The following GNAT3 variants were observed in gnomAD, a reference collection of about 807,000 sequenced individuals.
The protein encoded by GNAT3 is guanine nucleotide-binding protein G(t) subunit alpha-3.
GNAT3 carries 31 observed loss-of-function variants against 37.7 expected under a neutral mutation model. The ratio of observed to expected loss-of-function variants is 0.82; its 90% CI spans 0.62 to 1.11. The LOEUF (loss-of-function observed/expected upper bound fraction) is 1.11. Ranked by LOEUF, GNAT3 falls within the 50% of genes most tolerant of loss-of-function variation. The pLI is 0.00. For synonymous variants in GNAT3, 138 were observed against 139.8 expected, an observed-to-expected ratio of 0.99 and a Z score of 0.09; for missense variants, 437 against 412.5, an observed-to-expected ratio of 1.06 and a Z score of -0.51.
intron 2 of GNAT3, 124 bp downstream of exon 2, chr7:80,494,481 C>A: frequency 1.7e-6 from 1 of 579,196 alleles, no homozygotes; most frequent in South Asian, 2.6e-5. Context: ...GAACTATGAC[C>A]ACTCTATGAT....
chr7:80,473,017 A>C (rs1225869166), intron 5 of GNAT3, among the ~76,000 whole-genome samples: 2 of 152,162 alleles, frequency 1.3e-5, no homozygotes, highest in African/African-American at 4.8e-5. Flanking sequence ...GGAGGGGCAG[A>C]GGGGGAGAAA....
At chr7:80,491,227 G>A (rs146040697) in intron 2 of GNAT3, among the ~76,000 whole-genome samples, 270 of 152,218 alleles carry the variant, frequency 1.8e-3, no homozygotes, top group Middle Eastern at 0.014. Flanking sequence ...AAGGGTGAAG[G>A]CTTAGCATAA....
chr7:80,465,922 G>A (rs1790122180), intron 5 of GNAT3, among the ~76,000 whole-genome samples: 1 of 152,056 alleles, frequency 6.6e-6, no homozygotes, highest in Admixed American at 6.6e-5. Flanking sequence ...GAACAATGAT[G>A]ATTAACTTAT....
chr7:80,473,648 G>T (rs549227230), intron 5 of GNAT3, among the ~76,000 whole-genome samples: 1 of 152,064 alleles, frequency 6.6e-6, no homozygotes, highest in African/African-American at 2.4e-5. Flanking sequence ...TAACATTATA[G>T]TATGGGTTTC....
intron 5 of GNAT3, among the ~76,000 whole-genome samples, chr7:80,470,684 T>C (rs941096280): frequency 6.6e-6 from 1 of 152,126 alleles, no homozygotes; most frequent in African/African-American, 2.4e-5. Context: ...CCTTCCTATA[T>C]GATTTAAGAT....
rs1238356703 is a variant in GNAT3 at position 80,462,190 on chromosome 7, C to T, written c.843G>A (p.Val281=). ...KDIFQEKVTK[V]HLSICFPEYT... Reference sequence around the variant, plus strand: ...ATTCTGGAAAGCAGATACTAAGATGCACCTTGGTTACCTTTTCTTGAAAGA... The same window carrying T: ...ATTCTGGAAAGCAGATACTAAGATGTACCTTGGTTACCTTTTCTTGAAAGA... Residue 281 remains valine, a synonymous_variant, in exon 7 of 8, where the codon GTG becomes GTA. Transcript: ENST00000398291. 1.3e-5 allele frequency: 21 copies of T among 1,584,748 alleles called. No individual in the cohort carries two copies. The highest frequency in any genetic ancestry group is 1.7e-5 in the Non-Finnish European group (20 of 1,163,762).
intron 4 of GNAT3, among the ~76,000 whole-genome samples, chr7:80,477,058 G>C (rs1338951486): frequency 1.3e-5 from 2 of 152,026 alleles, no homozygotes; most frequent in Non-Finnish European, 2.9e-5. Context: ...TTGATGAACA[G>C]ATTTAAAATT....
chr7:80,489,075 A>G (rs1584185583), intron 2 of GNAT3, among the ~76,000 whole-genome samples: 1 of 152,124 alleles, frequency 6.6e-6, no homozygotes, highest in East Asian at 1.9e-4. Context: ...AAGCGAAGTC[A>G]TTTAGAACAT....
intron 3 of GNAT3, among the ~76,000 whole-genome samples, chr7:80,483,106 A>G (rs73709180): frequency 0.042 from 6,338 of 152,202 alleles, 157 homozygotes; most frequent in Middle Eastern, 0.1. Flanking sequence ...CCTTAAAAGT[A>G]CTGATAGCAG....
intron 4 of GNAT3, among the ~76,000 whole-genome samples, chr7:80,477,663 G>A (rs912413747): frequency 6.6e-6 from 1 of 151,972 alleles, no homozygotes; most frequent in African/African-American, 2.4e-5. Flanking sequence ...TCATTGTTCT[G>A]TCCTTAACCG....
chr7:80,496,507 A>AT (rs1562732107), intron 1 of GNAT3, among the ~76,000 whole-genome samples: 1 of 150,696 alleles, frequency 6.6e-6, no homozygotes, highest in Non-Finnish European at 1.5e-5. Flanking sequence ...TTCTTTCCTA[A>AT]CACTTTTCTC....
At chr7:80,469,488 T>G (rs564658385) in intron 5 of GNAT3, among the ~76,000 whole-genome samples, 3 of 152,280 alleles carry the variant, frequency 2.0e-5, no homozygotes, top group African/African-American at 7.2e-5. Context: ...TAAAGATAAT[T>G]TATTTTATCA....
chr7:80,458,939 T>G lies in GNAT3; in HGVS notation c.875-78A>C. 4.1e-6 allele frequency: 4 copies of G among 980,332 alleles called. No individual in the cohort carries two copies. The South Asian group carries it at 6.6e-5, about 16-fold the overall frequency. 60.7% of individuals were successfully genotyped at this position (980,332 alleles called of 1,614,324 possible). ...ATAGGCTATAAATAATATCAGCAAA[T>G]TTTAGGATTTTACTTTGATATACAA... On this transcript the variant is annotated intron_variant, in intron 7 of 7. Transcript: ENST00000398291.
chr7:80,496,212 C>A (rs980798324), intron 1 of GNAT3, among the ~76,000 whole-genome samples: 4 of 152,100 alleles, frequency 2.6e-5, no homozygotes, highest in Non-Finnish European at 5.9e-5. Flanking sequence ...CTCACTGCAA[C>A]CTTTGCCTCC....
At chr7:80,482,579 C>G (rs1351504129) in intron 3 of GNAT3, among the ~76,000 whole-genome samples, 1 of 151,140 alleles carries the variant, frequency 6.6e-6, no homozygotes, top group Admixed American at 6.6e-5. Context: ...AGTGGCACAA[C>G]CTAGGCTCAC....
intron 3 of GNAT3, 45 bp from the exon 4 acceptor site, chr7:80,479,043 C>A: frequency 7.5e-7 from 1 of 1,333,072 alleles, no homozygotes; most frequent in Non-Finnish European, 1.0e-6. Flanking sequence ...TATTTGGAAT[C>A]ACATATTCTA....
Position 80,475,011 on chromosome 7 carries a change from A to G in GNAT3, c.462-632T>C, listed in dbSNP as rs76585068. On this transcript the variant is annotated intron_variant, in intron 4 of 7. Coordinates refer to ENST00000398291, the MANE Select transcript of GNAT3 (RefSeq NM_001102386.3). ...ATCTAGTTAGCGCAATAAAAGAAGTACCATTTGTCTCTCTTCCTGGTCTAT... is the reference window on the plus strand; with the variant it reads ...ATCTAGTTAGCGCAATAAAAGAAGTGCCATTTGTCTCTCTTCCTGGTCTAT... Among the ~76,000 whole-genome samples, 455 of 152,118 alleles carry G rather than the reference A, an allele frequency of 3.0e-3. 11 individuals carry two copies. The South Asian group carries it at 0.049, about 16-fold the overall frequency.
chr7:80,460,404 C>T (rs927883466), intron 7 of GNAT3, among the ~76,000 whole-genome samples: 2 of 151,916 alleles, frequency 1.3e-5, no homozygotes, highest in Non-Finnish European at 2.9e-5. Context: ...GGATACATGA[C>T]CTGCATGTGG....
chr7:80,458,917 G>T, intron 7 of GNAT3, 56 bp from the exon 8 acceptor site: 1 of 1,171,984 alleles, frequency 8.5e-7, no homozygotes, highest in Non-Finnish European at 1.2e-6. Context: ...ACAAAGAATA[G>T]GCTATAAATA....
Sources: gnomAD v4.1 joint callset for allele counts (sites outside exome capture counted in the v4.1 genomes callset) on GRCh38, gnomAD v4.1.1 for gene constraint, MANE v1.5 for transcripts, NCBI Gene and HGNC (gene_info 2026-07-23, HGNC 2026-07-21) for gene names.